OGFR: variants seen among roughly 807,000 people sequenced by gnomAD.
OGFR encodes protein 7-60.
A neutral mutation model predicts 33.6 loss-of-function variants in OGFR; 18 were observed. The ratio of observed to expected loss-of-function variants is 0.54; its 90% CI spans 0.37 to 0.80. OGFR has a LOEUF of 0.80. Ranked by LOEUF, OGFR falls within the 30% of genes least tolerant of loss-of-function variation. OGFR has a pLI of 0.00. For missense variants in OGFR, 877 were observed against 955.8 expected (o/e 0.92, Z 1.09); for synonymous variants, 370 against 400.7 (o/e 0.92, Z 0.91).
chr20:62,807,778 C>A, intron 2 of OGFR, 173 bp downstream of exon 2: 1 of 658,336 alleles, frequency 1.5e-6, no homozygotes, highest in Admixed American at 2.9e-5. Context: ...CCCTGCCCTT[C>A]CCCTCTCGCG....
chr20:62,813,898 CTT>C lies in OGFR; in HGVS notation c.*251_*252del, dbSNP rs1655078608. 1 of 586,016 alleles carries C rather than the reference CTT, an allele frequency of 1.7e-6. No homozygotes were observed. The allele number at this position is 586,016 out of a possible 1,614,324, so 36.3% of individuals were successfully genotyped here. On this transcript the variant is annotated 3_prime_UTR_variant, in exon 7 of 7. Transcript: ENST00000290291. ...ACCCAGCTCTCCCCTGCGCCCCTGT[CTT>C]TGTAAATTGACCCTTCTGGAGTGGG...
Position 62,813,755 on chromosome 20 carries a change from AC to A in OGFR, c.*109del. On this transcript the variant is annotated 3_prime_UTR_variant, in exon 7 of 7. Transcript: ENST00000290291. Reference sequence around the variant, plus strand: ...CTCAGGCTCTGCTTCGTGACCCGTGACCCATGACCCACAGTGCTGGCCTCCT... The same window carrying A: ...CTCAGGCTCTGCTTCGTGACCCGTGACCATGACCCACAGTGCTGGCCTCCT... 1 of 1,349,602 alleles carries A rather than the reference AC, an allele frequency of 7.4e-7. No individual in the cohort carries two copies. Among genetic ancestry groups the A allele is most frequent in the Non-Finnish European group, 1.0e-6 (1 of 954,888 alleles). 83.6% of individuals were successfully genotyped at this position (1,349,602 alleles called of 1,614,324 possible).
rs1042016828 is a variant in OGFR, at chr20:62,807,590, T to C, written c.225T>C (p.Tyr75=). ...NWRATRDMCR[Y]RHNYPDLVER... Reference sequence around the variant, plus strand: ...GAGCCACGAGGGACATGTGTAGGTATCGGCACAACTATCCGGTACGTACCT... The same window carrying C: ...GAGCCACGAGGGACATGTGTAGGTACCGGCACAACTATCCGGTACGTACCT... The change falls in exon 2 of 7, where the codon TAT becomes TAC. Residue 75 remains tyrosine, a synonymous_variant. Transcript: ENST00000290291. 8.7e-6 allele frequency: 14 copies of C among 1,612,848 alleles called. No homozygotes were observed. In the Admixed American group the frequency reaches 1.5e-4, roughly 17 times the overall value.
chr20:62,810,829 G>A (rs1017504735), intron 5 of OGFR, among the ~76,000 whole-genome samples: 4 of 152,252 alleles, frequency 2.6e-5, no homozygotes, highest in Non-Finnish European at 2.9e-5. Flanking sequence ...TGAGAGACCC[G>A]GAGTGGCGGG....
At chr20:62,807,796 G>T in intron 2 of OGFR, 191 bp downstream of exon 2, 1 of 625,316 alleles carries the variant, frequency 1.6e-6, no homozygotes, top group Non-Finnish European at 2.8e-6. Context: ...GCGGGAGACC[G>T]GGGGCATCCC....
chr20:62,809,737 C>T, intron 4 of OGFR, 74 bp downstream of exon 4: 2 of 1,182,128 alleles, frequency 1.7e-6, no homozygotes, highest in South Asian at 1.2e-5. Flanking sequence ...CAGGAGCCCT[C>T]CCGACGCTGC....
In OGFR at chr20:62,811,571, G is replaced by C; in HGVS notation, c.575G>C (p.Arg192Pro). The change falls in exon 6 of 7, where the codon CGA (arginine) becomes CCA (proline). Residue 192 changes from arginine to proline, a missense_variant. Transcript: ENST00000290291. ...GACCGAGGCACGGGCACGGTGGGCC[G>C]AGCACAGAACTACCAGAAGCGCTTC... ...LEDRGTGTVG[R>P]AQNYQKRFQN... The C allele has an allele frequency of 6.2e-7, 1 of 1,602,094 alleles. No individual in the cohort carries two copies. The highest frequency in any genetic ancestry group is 8.5e-7 in the Non-Finnish European group (1 of 1,175,184).
rs1472466914 is a variant in OGFR, at chr20:62,813,336, C to T, written c.1721C>T (p.Pro574Leu). Residue 574 changes from proline (P) to leucine (L), a missense_variant, in exon 7 of 7, where the codon CCA becomes CTA. Physicochemically the swap from Pro to Leu is moderately conservative, Grantham distance 98. Around this residue, in one of 3 missense-constraint regions of OGFR, gnomAD observed 72 missense variants for 181.8 expected, o/e 0.40. Coordinates refer to ENST00000290291, the MANE Select transcript of OGFR (RefSeq NM_007346.4). ...PRPAGPAGDE[P>L]AESPSETPGP... is the part of the protein sequence containing the mutation. ...CCGGCAGGACCTGCAGGGGACGAGC[C>T]AGCCGAGAGCCCATCGGAGACCCCA... is the stretch of plus-strand genomic sequence containing the variant. The T allele has an allele frequency of 6.8e-7, 1 of 1,472,002 alleles. No homozygotes were observed. The highest frequency in any genetic ancestry group is 9.0e-7 in the Non-Finnish European group (1 of 1,105,228). The allele number at this position is 1,472,002 out of a possible 1,614,324, so 91.2% of individuals were successfully genotyped here. A position where few individuals can be genotyped will look rare whatever the true frequency, so the allele number is the denominator to read the frequency against.
rs750029594 is a variant in OGFR at position 62,813,790 on chromosome 20, A to G, written c.*141A>G. On this transcript the variant is annotated 3_prime_UTR_variant, in exon 7 of 7. Transcript: ENST00000290291. ...CACAGTGCTGGCCTCCTGTGGGGCC[A>G]CTATAGCAGCCACCAGAAGCCGCGA... 3.0e-6 allele frequency: 3 copies of G among 1,006,150 alleles called. No homozygotes were observed. Among genetic ancestry groups the G allele is most frequent in the African/African-American group, 1.6e-5 (1 of 61,700 alleles). The allele number at this position is 1,006,150 out of a possible 1,614,324, so 62.3% of individuals were successfully genotyped here. A position where few individuals can be genotyped will look rare whatever the true frequency, so the allele number is the denominator to read the frequency against.
intron 1 of OGFR, chr20:62,806,153 A>G (rs1427870524): frequency 1.3e-5 from 2 of 152,264 alleles, no homozygotes; most frequent in African/African-American, 4.8e-5. Flanking sequence ...AGCCTCCAGA[A>G]CTGACCCAGG....
At position 62,813,632 on chromosome 20, in the gene OGFR, A is replaced by G; in HGVS notation, c.2017A>G (p.Lys673Glu). The change falls in exon 7 of 7, where the codon AAG (lysine) becomes GAG (glutamate). Residue 673 changes from lysine to glutamate, a missense_variant. Around this residue, in one of 3 missense-constraint regions of OGFR, gnomAD observed 45 missense variants for 38.0 expected, o/e 1.19. Coordinates refer to ENST00000290291, the MANE Select transcript of OGFR (RefSeq NM_007346.4). ...LQDAEVESSAKSGKP is the reference protein window; with the variant it reads ...LQDAEVESSAESGKP ...GGACGCAGAGGTGGAGTCTTCTGCC[A>G]AGTCTGGGAAGCCTTAAGGAAAGGA... 1.2e-6 allele frequency: 2 copies of G among 1,612,594 alleles called. No homozygotes were observed. Among genetic ancestry groups the G allele is most frequent in the Non-Finnish European group, 1.7e-6 (2 of 1,179,780 alleles).
Position 62,813,262 on chromosome 20 carries a change from TGC to T in OGFR, c.1648_1649del (p.Ala550ArgfsTer43). ...CCCCAGGCCCCCGCCCAGCAGGACC[TGC>T]AGGGGACGAGCCAGCCGAGAGCCCA... Reference protein sequence around the residue: ...ETPGPRPAGPAGDEPAESPSE... With the variant: ...ETPGPRPAGPXGDEPAESPSE... On this transcript the variant is annotated frameshift_variant, in exon 7 of 7. Transcript: ENST00000290291. LOFTEE classifies it low-confidence loss of function (END_TRUNC). 6.7e-7 allele frequency: 1 copy of T among 1,499,862 alleles called. No homozygotes were observed. The highest frequency in any genetic ancestry group is 9.0e-7 in the Non-Finnish European group (1 of 1,115,196). 92.9% of individuals were successfully genotyped at this position (1,499,862 alleles called of 1,614,324 possible).
At chr20:62,810,933 G>T (rs1473744554) in intron 5 of OGFR, among the ~76,000 whole-genome samples, 2 of 152,268 alleles carry the variant, frequency 1.3e-5, no homozygotes, top group Admixed American at 6.5e-5. Context: ...GAGCCGAGGG[G>T]CCCCTCCTGG....
rs11543349 is a variant in OGFR, at chr20:62,813,587, G to A, written c.1972G>A (p.Gly658Arg). 5 of 1,609,752 alleles carry A rather than the reference G, an allele frequency of 3.1e-6. No homozygotes were observed. In the East Asian group the frequency reaches 8.9e-5, roughly 29 times the overall value. Reference sequence around the variant, plus strand: ...TACAAGGGATGAGCCAGCCAAGGCGGGGGAGGCAGCAGAGTTGCAGGACGC... The same window carrying A: ...TACAAGGGATGAGCCAGCCAAGGCGAGGGAGGCAGCAGAGTTGCAGGACGC... ...GPTRDEPAKAGEAAELQDAEV... is the reference protein window; with the variant it reads ...GPTRDEPAKAREAAELQDAEV... Residue 658 changes from glycine to arginine, a missense_variant, in exon 7 of 7, where the codon GGG becomes AGG. Coordinates refer to ENST00000290291, the MANE Select transcript of OGFR (RefSeq NM_007346.4).
intron 3 of OGFR, among the ~76,000 whole-genome samples, chr20:62,808,589 C>G (rs1436840362): frequency 6.6e-6 from 1 of 152,228 alleles, no homozygotes; most frequent in African/African-American, 2.4e-5. Context: ...CAGTCTCTAT[C>G]AAAACTACTG....
intron 4 of OGFR, 36 bp downstream of exon 4, chr20:62,809,699 G>T (rs780991084): frequency 7.1e-7 from 1 of 1,407,670 alleles, no homozygotes; most frequent in South Asian, 1.1e-5. Flanking sequence ...GGGGGTTGGC[G>T]AGGCCACAGG....
At chr20:62,808,974 CAAAAAAAAAAAAAAAA>C (rs5842400) in intron 3 of OGFR, among the ~76,000 whole-genome samples, 1 of 68,412 alleles carries the variant, frequency 1.5e-5, no homozygotes. Context: ...GACTCTGTCT[CAAAAAAAAAAAAAAAA>C]AAAAAAAAAA....
Position 62,812,461 on chromosome 20 carries a change from C to T in OGFR, c.846C>T (p.Cys282=). Residue 282 remains cysteine, a synonymous_variant, in exon 7 of 7, where the codon TGC becomes TGT. Transcript: ENST00000290291. ...CCTGGGAGCACTTCCGGCCCCGCTG[C>T]AAGTTCGTCTGGGGGCCCCAAGACA... The part of the protein sequence containing the change: ...HFAWEHFRPR[C]KFVWGPQDKL... The T allele has an allele frequency of 6.3e-7, 1 of 1,580,130 alleles. No individual in the cohort carries two copies. Among genetic ancestry groups the T allele is most frequent in the Non-Finnish European group, 8.6e-7 (1 of 1,163,440 alleles).
chr20:62,809,718 C>A (rs1990682033), intron 4 of OGFR, 55 bp downstream of exon 4: 2 of 1,359,776 alleles, frequency 1.5e-6, no homozygotes, highest in African/African-American at 1.4e-5. Flanking sequence ...GGGGGAGGGC[C>A]CTCCCAGGCA....
Sources: allele counts gnomAD v4.1 joint callset (sites outside exome capture counted in the v4.1 genomes callset), GRCh38; gene constraint gnomAD v4.1.1; regional missense constraint gnomAD v4.1.1; transcripts MANE v1.5; gene names NCBI Gene and HGNC (gene_info 2026-07-23, HGNC 2026-07-21).